CD163L1: variants seen among roughly 807,000 people sequenced by gnomAD.
The protein encoded by CD163L1 is scavenger receptor cysteine-rich type 1 protein M160.
Under a neutral mutation model 165.4 loss-of-function variants are expected in CD163L1, and 124 were observed. That is an observed-to-expected ratio of 0.75 (90% CI 0.65 to 0.87). The LOEUF is 0.87. CD163L1 is among the 40% of genes least tolerant of loss of function. CD163L1 has a pLI of 0.00. For synonymous variants in CD163L1, 585 were observed against 662.2 expected (o/e 0.88, Z 1.79); for missense variants, 1,525 against 1,799.9 (o/e 0.85, Z 2.76).
In CD163L1 at chr12:7,369,358, A is replaced by G. The variant is rs1316857806; in HGVS notation, c.4038T>C (p.Ser1346=). 1 of 1,613,522 alleles carries G rather than the reference A, an allele frequency of 6.2e-7. No individual in the cohort carries two copies. Among genetic ancestry groups the G allele is most frequent in the African/African-American group, 1.3e-5 (1 of 74,926 alleles). ...TAAGTGCAGCCTTTTCACACTTACC[A>G]GAGCACCTCACGCCAGCATCTTCCT... ...GHKEDAGVRC[S]GQSLKSLNAS... is the part of the protein sequence containing the mutation. Residue 1346 remains serine (S), a splice_region_variant and synonymous_variant, in exon 15 of 20, where the codon TCT becomes TCC. Transcript: ENST00000313599. This position sits in a 1 kb window ranked among gnomAD's most constrained non-coding sequence, Gnocchi z 4.9.
At chr12:7,329,823 G>A in the CD163L1 span, among the ~76,000 whole-genome samples, 2 of 152,056 alleles carry the variant, frequency 1.3e-5, no homozygotes, top group East Asian at 3.9e-4. Context: ...GGAAAGAAGA[G>A]CTTGTATAAC....
chr12:7,398,633 T>C lies in CD163L1; in HGVS notation c.1409-49A>G. On this transcript the variant is annotated intron_variant, in intron 6 of 19. Coordinates refer to ENST00000313599, the MANE Select transcript of CD163L1 (RefSeq NM_174941.6). The surrounding 1 kb of genome is among the most constrained non-coding windows in gnomAD (Gnocchi z 4.5). The stretch of plus-strand genomic sequence containing the variant: ...ATTTGAGATCAAATGAGAGAGTCTT[T>C]TCAGAAGACTGAAAAGACTCTCTAA... 6.8e-7 allele frequency: 1 copy of C among 1,462,536 alleles called. No homozygotes were observed. The highest frequency in any genetic ancestry group is 9.2e-7 in the Non-Finnish European group (1 of 1,089,498). 90.6% of individuals were successfully genotyped at this position (1,462,536 alleles called of 1,614,324 possible).
At chr12:7,440,425 G>C (rs1049410346) in intron 2 of CD163L1, among the ~76,000 whole-genome samples, 1 of 151,530 alleles carries the variant, frequency 6.6e-6, no homozygotes, top group Admixed American at 6.6e-5. Flanking sequence ...CAGCTCCCGC[G>C]CCCAGCCCGG....
rs375892596 is a variant in CD163L1 at position 7,391,712 on chromosome 12, T to C, written c.2050+4383A>G. Among the ~76,000 whole-genome samples the C allele has an allele frequency of 1.2e-4, 19 of 152,036 alleles. No homozygotes were observed. The East Asian group carries it at 2.1e-3, about 17-fold the overall frequency. On this transcript the variant is annotated intron_variant, in intron 8 of 19. Coordinates refer to ENST00000313599, the MANE Select transcript of CD163L1 (RefSeq NM_174941.6). ...TTCAGAGACACACATAGGCTCAAAA[T>C]AAAGGGATGGAGGAAGATCTACCAA...
At chr12:7,406,318 T>C (rs1245274816) in intron 5 of CD163L1, among the ~76,000 whole-genome samples, 2 of 152,182 alleles carry the variant, frequency 1.3e-5, no homozygotes, top group Non-Finnish European at 2.9e-5. Context: ...GTAAAAACCT[T>C]ATTCCCATGA....
At chr12:7,373,096 G>A (rs1947177189) in intron 14 of CD163L1, among the ~76,000 whole-genome samples, 1 of 152,100 alleles carries the variant, frequency 6.6e-6, no homozygotes, top group Non-Finnish European at 1.5e-5. Flanking sequence ...CTCACAAGGA[G>A]CTTAAAGGAA....
the CD163L1 span, among the ~76,000 whole-genome samples, chr12:7,335,031 A>G: frequency 6.6e-6 from 1 of 152,222 alleles, no homozygotes; most frequent in Non-Finnish European, 1.5e-5. Context: ...GCTCATGGGT[A>G]GGAAGAATCA....
chr12:7,410,986 T>A (rs1324793378), intron 4 of CD163L1, among the ~76,000 whole-genome samples: 1 of 150,978 alleles, frequency 6.6e-6, no homozygotes, highest in African/African-American at 2.4e-5. Context: ...TCTAAGCACA[T>A]AATGGTAAAA....
chr12:7,334,998 A>C, the CD163L1 span, among the ~76,000 whole-genome samples: 56 of 152,338 alleles, frequency 3.7e-4, no homozygotes, highest in Non-Finnish European at 5.9e-4. Flanking sequence ...AAGAGGATAC[A>C]AACAAATGGA....
intron 2 of CD163L1, among the ~76,000 whole-genome samples, chr12:7,436,740 A>G (rs1948719334): frequency 6.6e-6 from 1 of 152,186 alleles, no homozygotes; most frequent in South Asian, 2.1e-4. Context: ...TATTTAAACT[A>G]CAAATTTGGC....
the CD163L1 span, among the ~76,000 whole-genome samples, chr12:7,321,900 T>C: frequency 2.3e-3 from 353 of 152,320 alleles, no homozygotes; most frequent in African/African-American, 8.1e-3. Flanking sequence ...CTTGGTGAGA[T>C]CACCCTGACA....
chr12:7,389,056 G>T lies in CD163L1; in HGVS notation c.2050+7039C>A, dbSNP rs1441153261. On this transcript the variant is annotated intron_variant, in intron 8 of 19. Transcript: ENST00000313599. ...AATCTTAGCAATTGTAAACAGTGCTGCAACAAACATAGGAGTGCAGATATC... is the reference window on the plus strand; with the variant it reads ...AATCTTAGCAATTGTAAACAGTGCTTCAACAAACATAGGAGTGCAGATATC... 2.6e-5 allele frequency among the ~76,000 whole-genome samples: 4 copies of T among 152,286 alleles called. No individual in the cohort carries two copies. The South Asian group carries it at 8.3e-4, about 32-fold the overall frequency.
chr12:7,373,658 A>G lies in CD163L1; in HGVS notation c.3410-18T>C, dbSNP rs750251476. 1.3e-5 allele frequency: 20 copies of G among 1,541,520 alleles called. 1 individual carries two copies. The South Asian group carries it at 2.5e-4, about 19-fold the overall frequency. ...TGTGAATTCTACAGAGAAATACAAA[A>G]CTTAGTATTAAATATTTCCTTTGGA... On this transcript the variant is annotated intron_variant, in intron 13 of 19. Transcript: ENST00000313599.
At chr12:7,363,712 C>T (rs976038708) in intron 18 of CD163L1, among the ~76,000 whole-genome samples, 6 of 150,762 alleles carry the variant, frequency 4.0e-5, no homozygotes, top group Admixed American at 1.3e-4. Flanking sequence ...ACAAACCTAC[C>T]AACACCGTGC....
chr12:7,440,061 T>G (rs1157119849), intron 2 of CD163L1: 1 of 1,115,128 alleles, frequency 9.0e-7, no homozygotes, highest in Non-Finnish European at 1.3e-6. Flanking sequence ...CGTTCCGCGC[T>G]CCGCCCTACT....
the CD163L1 span, among the ~76,000 whole-genome samples, chr12:7,322,814 C>T: frequency 2.0e-5 from 3 of 152,146 alleles, no homozygotes; most frequent in African/African-American, 7.2e-5. Context: ...CTGAGCAGCT[C>T]ATCTTTCCAC....
the CD163L1 span, chr12:7,320,707 T>A: frequency 6.2e-7 from 1 of 1,601,638 alleles, no homozygotes; most frequent in Non-Finnish European, 8.6e-7. Flanking sequence ...GACATCTGTG[T>A]CTTTCTCCAT....
intron 14 of CD163L1, among the ~76,000 whole-genome samples, chr12:7,371,972 TGTTTTTTTCCATGATTTCTGG>T (rs1403922316): frequency 1.3e-5 from 2 of 152,054 alleles, no homozygotes; most frequent in African/African-American, 4.8e-5. Flanking sequence ...GTGATATCTG[TGTTTTTTTCCATGATTTCTGG>T]GTTTTTTTCA....
chr12:7,352,340 C>T (rs1946711811), downstream of CD163L1, among the ~76,000 whole-genome samples: 1 of 152,110 alleles, frequency 6.6e-6, no homozygotes, highest in African/African-American at 2.4e-5. Flanking sequence ...GGGTTGCTCT[C>T]ATCTCCCCAC....
Sources: gnomAD v4.1 joint callset for allele counts (sites outside exome capture counted in the v4.1 genomes callset) on GRCh38, gnomAD v4.1.1 for gene constraint, Gnocchi (gnomAD v3.1) non-coding constraint, MANE v1.5 for transcripts, NCBI Gene and HGNC (gene_info 2026-07-23, HGNC 2026-07-21) for gene names.